The following LRRC49 variants were observed in gnomAD, a reference collection of about 807,000 sequenced individuals.
The protein encoded by LRRC49 is leucine-rich repeat-containing protein 49.
Under a neutral mutation model 83.3 loss-of-function variants are expected in LRRC49, and 50 were observed. The observed-to-expected ratio is 0.60, with a 90% CI of 0.48 to 0.76. The LOEUF (loss-of-function observed/expected upper bound fraction) is 0.76. LRRC49 is among the 30% of genes least tolerant of loss of function. The pLI, the probability that LRRC49 is intolerant of heterozygous loss-of-function variation, is 0.00. For missense variants in LRRC49, 704 were observed against 809.1 expected (o/e 0.87, Z 1.58); for synonymous variants, 286 against 283.3 (o/e 1.01, Z -0.10).
At chr15:71,037,353 T>C (rs1177472717) in intron 15 of LRRC49, 21 bp downstream of exon 15, 2 of 1,564,920 alleles carry the variant, frequency 1.3e-6, no homozygotes, top group East Asian at 2.3e-5. Context: ...TGTTAATCTT[T>C]GCGATCTAAT....
At chr15:71,005,276 T>A (rs1329724299) in intron 11 of LRRC49, among the ~76,000 whole-genome samples, 1 of 152,098 alleles carries the variant, frequency 6.6e-6, no homozygotes, top group East Asian at 1.9e-4. Context: ...TTTTCCCCTC[T>A]GGAAGAATTA....
intron 1 of LRRC49, chr15:70,854,044 C>A: frequency 7.0e-7 from 1 of 1,438,070 alleles, no homozygotes; most frequent in Non-Finnish European, 9.2e-7. Flanking sequence ...GGATCTGCAC[C>A]GCCGTCTTGG....
chr15:70,861,638 C>T (rs1567027989), intron 1 of LRRC49, among the ~76,000 whole-genome samples: 1 of 152,136 alleles, frequency 6.6e-6, no homozygotes, highest in Admixed American at 6.5e-5. Flanking sequence ...ATATTAATTT[C>T]TTTGTGGCAT....
At chr15:70,861,263 T>C (rs1567027869) in intron 1 of LRRC49, among the ~76,000 whole-genome samples, 1 of 152,032 alleles carries the variant, frequency 6.6e-6, no homozygotes, top group Non-Finnish European at 1.5e-5. Flanking sequence ...CTCAATAAAT[T>C]GGTGTTGAAT....
At chr15:70,988,739 C>T (rs1055802081) in intron 11 of LRRC49, among the ~76,000 whole-genome samples, 2 of 152,100 alleles carry the variant, frequency 1.3e-5, no homozygotes, top group Non-Finnish European at 2.9e-5. Flanking sequence ...TCTCGATGGC[C>T]TTTACAATTT....
At chr15:70,907,049 C>A (rs540451908) in intron 5 of LRRC49, among the ~76,000 whole-genome samples, 1 of 152,324 alleles carries the variant, frequency 6.6e-6, no homozygotes, top group South Asian at 2.1e-4. Flanking sequence ...CTCCAGCCAG[C>A]TGACTTTGTC....
rs553872300 is a variant in LRRC49 at position 70,911,404 on chromosome 15, A to G, written c.501-128A>G. ...TCAGAGGGAAATATATTATTGTTGA[A>G]TATATATATAACTATATATGTAGAT... On this transcript the variant is annotated intron_variant, in intron 5 of 15. Transcript: ENST00000260382. 1.4e-5 allele frequency: 6 copies of G among 426,688 alleles called. No individual in the cohort carries two copies. The Admixed American group carries it at 2.6e-4, about 18-fold the overall frequency. 26.4% of individuals were successfully genotyped at this position (426,688 alleles called of 1,614,324 possible). A position where few individuals can be genotyped will look rare whatever the true frequency, so the allele number is the denominator to read the frequency against.
At chr15:70,971,257 C>G (rs999262557) in intron 9 of LRRC49, among the ~76,000 whole-genome samples, 3 of 152,186 alleles carry the variant, frequency 2.0e-5, no homozygotes, top group Non-Finnish European at 4.4e-5. Flanking sequence ...CATTCAGGAG[C>G]AGGTTGTTCA....
At chr15:70,975,452 G>A (rs1234491090) in intron 9 of LRRC49, among the ~76,000 whole-genome samples, 1 of 152,124 alleles carries the variant, frequency 6.6e-6, no homozygotes, top group African/African-American at 2.4e-5. Flanking sequence ...TAGCACTTTG[G>A]GAGGCCAAGG....
In LRRC49 at chr15:70,985,404, GT is replaced by G. The variant is rs963508028; in HGVS notation, c.1169+1154del. 6.6e-5 allele frequency among the ~76,000 whole-genome samples: 10 copies of G among 152,024 alleles called. 1 individual carries two copies. The highest frequency in any genetic ancestry group is 2.2e-4 in the African/African-American group (9 of 41,382). On this transcript the variant is annotated intron_variant, in intron 11 of 15. Coordinates refer to ENST00000260382, the MANE Select transcript of LRRC49 (RefSeq NM_017691.5). ...AGTGATGATGAGCATTTTTTCATGT[GT>G]TTTTTTGGCTGCATAAATGTCCTCT...
At chr15:71,041,812 G>T (rs547706902) in intron 15 of LRRC49, among the ~76,000 whole-genome samples, 69 of 152,032 alleles carry the variant, frequency 4.5e-4, no homozygotes, top group Non-Finnish European at 6.9e-4. Flanking sequence ...CTCCAAAAAA[G>T]AACAATGAGA....
At position 70,893,637 on chromosome 15, in the gene LRRC49, CAA is replaced by C. The variant is rs759696182; in HGVS notation, c.104_105del (p.Lys35SerfsTer2). On this transcript the variant is annotated frameshift_variant and splice_region_variant, in exon 2 of 16. Coordinates refer to ENST00000260382, the MANE Select transcript of LRRC49 (RefSeq NM_017691.5). LOFTEE classifies it high-confidence loss of function. ...IQTSSLPEKNKVEFKLNKDTS... is the reference protein window; with the variant it reads ...IQTSSLPEKNXVEFKLNKDTS... The stretch of plus-strand genomic sequence containing the variant: ...AAACATCATCGCTTCCTGAAAAAAA[CAA>C]AGTAAGATTTAAGAAGGTTGGCATT... 10 of 1,606,964 alleles carry C rather than the reference CAA, an allele frequency of 6.2e-6. No individual in the cohort carries two copies. Among genetic ancestry groups the C allele is most frequent in the South Asian group, 3.3e-5 (3 of 90,096 alleles).
intron 9 of LRRC49, among the ~76,000 whole-genome samples, chr15:70,967,271 G>A (rs2036826271): frequency 1.3e-5 from 2 of 152,106 alleles, no homozygotes; most frequent in South Asian, 4.2e-4. Context: ...TCATAATAAG[G>A]AGTTTAGATT....
rs555086617 is a variant in LRRC49, at chr15:70,987,547, T to C, written c.1169+3290T>C. 3.0e-3 allele frequency among the ~76,000 whole-genome samples: 457 copies of C among 152,300 alleles called. 1 individual carries two copies. Among genetic ancestry groups the C allele is most frequent in the African/African-American group, 9.7e-3 (405 of 41,570 alleles). On this transcript the variant is annotated intron_variant, in intron 11 of 15. Transcript: ENST00000260382. ...CTCTTTTCTTCTTTATTAGTCTTGC[T>C]AGCGGTCTATCAATTTTGTTGATCC...
intron 2 of LRRC49, among the ~76,000 whole-genome samples, chr15:70,873,461 A>C (rs2033092709): frequency 6.6e-6 from 1 of 152,158 alleles, no homozygotes; most frequent in Non-Finnish European, 1.5e-5. Flanking sequence ...CCCACAATTT[A>C]ATGGCCTAAA....
At chr15:70,946,660 C>A (rs2036018578) in intron 8 of LRRC49, among the ~76,000 whole-genome samples, 1 of 151,960 alleles carries the variant, frequency 6.6e-6, no homozygotes, top group African/African-American at 2.4e-5. Context: ...TTTTTAGGAA[C>A]CTCCATACTC....
chr15:71,045,097 T>C (rs747921560), intron 15 of LRRC49, among the ~76,000 whole-genome samples: 86 of 151,906 alleles, frequency 5.7e-4, no homozygotes, highest in Non-Finnish European at 1.9e-4. Context: ...GGCTTCACCA[T>C]GTTAACCAGG....
upstream of LRRC49, chr15:70,892,253 G>A: frequency 6.3e-7 from 1 of 1,577,234 alleles, no homozygotes; most frequent in Non-Finnish European, 8.6e-7. Context: ...GCAGTGGGCG[G>A]CCACACAACG....
intron 1 of LRRC49, chr15:70,860,218 G>C: frequency 1.7e-6 from 1 of 579,158 alleles, no homozygotes; most frequent in African/African-American, 2.1e-5. Flanking sequence ...CAGGGCCCTG[G>C]AGGAGGCCGC....
Sources: allele counts gnomAD v4.1 joint callset (sites outside exome capture counted in the v4.1 genomes callset), GRCh38; gene constraint gnomAD v4.1.1; transcripts MANE v1.5; gene names NCBI Gene and HGNC (gene_info 2026-07-23, HGNC 2026-07-21).